The following TRAF3 variants were observed in gnomAD, a reference collection of about 807,000 sequenced individuals.
TRAF3 encodes the protein TNF receptor associated factor 3, also known as TNF receptor-associated factor 3.
A neutral mutation model predicts 62.3 loss-of-function variants in TRAF3; 13 were observed. The ratio of observed to expected loss-of-function variants is 0.21; its 90% CI spans 0.14 to 0.33. The LOEUF is 0.33. TRAF3 is among the 10% of genes least tolerant of loss of function. TRAF3 has a pLI of 1.00. For synonymous variants in TRAF3, 269 were observed against 283.4 expected, an observed-to-expected ratio of 0.95 and a Z score of 0.51; for missense variants, 440 against 741.8, an observed-to-expected ratio of 0.59 and a Z score of 4.73.
rs958366341 is a variant in TRAF3 at position 102,909,447 on chromosome 14, A to G, written c.*3663A>G. On this transcript the variant is annotated 3_prime_UTR_variant, in exon 12 of 12. Coordinates refer to ENST00000392745, the MANE Select transcript of TRAF3 (RefSeq NM_145725.3). ...GCACCTGTGTCCCTTCGATGCCACAACAGCCAGTTGAACAGGGGAGCCCTT... is the reference window on the plus strand; with the variant it reads ...GCACCTGTGTCCCTTCGATGCCACAGCAGCCAGTTGAACAGGGGAGCCCTT... The G allele has an allele frequency of 2.0e-5, 3 of 152,566 alleles. No homozygotes were observed. The highest frequency in any genetic ancestry group is 2.4e-5 in the African/African-American group (1 of 41,570). 9.5% of individuals were successfully genotyped at this position (152,566 alleles called of 1,614,324 possible). A position where few individuals can be genotyped will look rare whatever the true frequency, so the allele number is the denominator to read the frequency against.
At chr14:102,784,042 A>T (rs1310865857) in intron 1 of TRAF3, among the ~76,000 whole-genome samples, 1 of 152,044 alleles carries the variant, frequency 6.6e-6, no homozygotes, top group Admixed American at 6.6e-5. Context: ...GGGACCACAG[A>T]AGTTTTCTAG....
chr14:102,884,071 A>G (rs971227331), intron 6 of TRAF3, among the ~76,000 whole-genome samples: 1 of 152,220 alleles, frequency 6.6e-6, no homozygotes, highest in African/African-American at 2.4e-5. Context: ...CTTGCAAAAA[A>G]CAAATTTATC....
Position 102,903,057 on chromosome 14 carries a change from G to A in TRAF3, c.961-198G>A. 6 of 713,856 alleles carry A rather than the reference G, an allele frequency of 8.4e-6. No homozygotes were observed. The highest frequency in any genetic ancestry group is 1.5e-5 in the Non-Finnish European group (6 of 403,038). 44.2% of individuals were successfully genotyped at this position (713,856 alleles called of 1,614,324 possible). ...ATGTCACCTCGAGTGCTCCCTGCCGGCACAAGCACTTGATCCCAGGGAGCT... is the reference window on the plus strand; with the variant it reads ...ATGTCACCTCGAGTGCTCCCTGCCGACACAAGCACTTGATCCCAGGGAGCT... On this transcript the variant is annotated intron_variant, in intron 10 of 11. Transcript: ENST00000392745. The surrounding 1 kb of genome is among the most constrained non-coding windows in gnomAD (Gnocchi z 6.4).
In TRAF3 at chr14:102,903,004, C is replaced by T. The variant is rs1890379183; in HGVS notation, c.961-251C>T. 5.4e-6 allele frequency: 3 copies of T among 558,228 alleles called. No homozygotes were observed. Among genetic ancestry groups the T allele is most frequent in the Non-Finnish European group, 9.7e-6 (3 of 309,670 alleles). 34.6% of individuals were successfully genotyped at this position (558,228 alleles called of 1,614,324 possible). A position where few individuals can be genotyped will look rare whatever the true frequency, so the allele number is the denominator to read the frequency against. On this transcript the variant is annotated intron_variant, in intron 10 of 11. Transcript: ENST00000392745. This position sits in a 1 kb window ranked among gnomAD's most constrained non-coding sequence, Gnocchi z 6.4. ...ACAAAGCAAGCTGACTTAGTGGAGCCTCCTGTTGTTTTCTTCCATGTGGCT... is the reference window on the plus strand; with the variant it reads ...ACAAAGCAAGCTGACTTAGTGGAGCTTCCTGTTGTTTTCTTCCATGTGGCT...
rs538121314 is a variant in TRAF3 at position 102,866,850 on chromosome 14, AACACACACACAC to A, written c.-17-3303_-17-3292del. Among the ~76,000 whole-genome samples, 170 of 132,268 alleles carry A rather than the reference AACACACACACAC, an allele frequency of 1.3e-3. 1 individual carries two copies. The highest frequency in any genetic ancestry group is 7.1e-3 in the Middle Eastern group (2 of 280). 86.8% of individuals were successfully genotyped at this position (132,268 alleles called of 152,430 possible). A position where few individuals can be genotyped will look rare whatever the true frequency, so the allele number is the denominator to read the frequency against. On this transcript the variant is annotated intron_variant, in intron 2 of 11. Transcript: ENST00000392745. ...ACAGAACGAGACTCCATCTCTTGAA[AACACACACACAC>A]ACACACACACACACACACACACACA...
At chr14:102,782,772 T>C (rs1451924392) in intron 1 of TRAF3, among the ~76,000 whole-genome samples, 1 of 152,070 alleles carries the variant, frequency 6.6e-6, no homozygotes, top group Non-Finnish European at 1.5e-5. Flanking sequence ...CCAAGAAAGA[T>C]ATGGCGACCT....
chr14:102,830,657 A>G (rs565122421), intron 2 of TRAF3, among the ~76,000 whole-genome samples, 185 bp downstream of exon 2: 1 of 152,180 alleles, frequency 6.6e-6, no homozygotes, highest in Admixed American at 6.5e-5. Context: ...TAGGAGGGGC[A>G]AAGGGCATGA....
chr14:102,790,123 C>T (rs1300917150), intron 1 of TRAF3, among the ~76,000 whole-genome samples: 1 of 152,198 alleles, frequency 6.6e-6, no homozygotes, highest in Non-Finnish European at 1.5e-5. Context: ...CCACTGCACT[C>T]AGCCTCTTCT....
intron 1 of TRAF3, among the ~76,000 whole-genome samples, chr14:102,808,413 T>C (rs1315237229): frequency 1.3e-5 from 2 of 151,472 alleles, no homozygotes; most frequent in Non-Finnish European, 2.9e-5. Flanking sequence ...CTCAGGAGGC[T>C]GAGGCAGGAG....
rs865938287 is a variant in TRAF3 at position 102,874,316 on chromosome 14, G to A, written c.298-1308G>A. On this transcript the variant is annotated intron_variant, in intron 4 of 11. Coordinates refer to ENST00000392745, the MANE Select transcript of TRAF3 (RefSeq NM_145725.3). ...CTCTTGCCCAGGCTGGAGTACAATG[G>A]CGTGATCTCAGCTCACTGCAACCTC... 2.6e-5 allele frequency among the ~76,000 whole-genome samples: 4 copies of A among 152,286 alleles called. No individual in the cohort carries two copies. The Middle Eastern group carries it at 0.01, about 388-fold the overall frequency.
chr14:102,898,006 G>C (rs920510279), intron 10 of TRAF3, among the ~76,000 whole-genome samples: 16 of 152,246 alleles, frequency 1.1e-4, no homozygotes, highest in Admixed American at 7.2e-4. Flanking sequence ...CATTGTAGAT[G>C]CTCTCTGCAC....
At chr14:102,805,797 G>A (rs1053210081) in intron 1 of TRAF3, among the ~76,000 whole-genome samples, 1 of 152,196 alleles carries the variant, frequency 6.6e-6, no homozygotes, top group African/African-American at 2.4e-5. Flanking sequence ...GGAAATGTCA[G>A]CATGTTTTGA....
At chr14:102,814,209 A>T (rs149572109) in intron 1 of TRAF3, among the ~76,000 whole-genome samples, 36 of 152,316 alleles carry the variant, frequency 2.4e-4, no homozygotes, top group African/African-American at 8.4e-4. Flanking sequence ...CCTTTGTCAA[A>T]AATCAGTTGG....
At chr14:102,874,349 C>T (rs959415704) in intron 4 of TRAF3, among the ~76,000 whole-genome samples, 18 of 152,264 alleles carry the variant, frequency 1.2e-4, no homozygotes, top group Admixed American at 3.3e-4. Flanking sequence ...CTCCTCCTCC[C>T]GGGTTCAAGC....
At chr14:102,830,710 A>G (rs1225682499) in intron 2 of TRAF3, among the ~76,000 whole-genome samples, 1 of 152,206 alleles carries the variant, frequency 6.6e-6, no homozygotes, top group African/African-American at 2.4e-5. Flanking sequence ...AGATGGGTGC[A>G]TAGCCGAGCC....
At chr14:102,805,154 C>G (rs74086120) in intron 1 of TRAF3, among the ~76,000 whole-genome samples, 4,325 of 152,264 alleles carry the variant, frequency 0.028, 178 homozygotes, top group African/African-American at 0.096. Context: ...TAATTAGCAA[C>G]TAGTTTTGGT....
chr14:102,785,645 GC>G (rs926088747), intron 1 of TRAF3, among the ~76,000 whole-genome samples: 3 of 152,194 alleles, frequency 2.0e-5, no homozygotes. Flanking sequence ...AGGCATGGAA[GC>G]CCTTACCACT....
chr14:102,827,782 A>G (rs953353218), intron 1 of TRAF3, among the ~76,000 whole-genome samples: 1 of 152,240 alleles, frequency 6.6e-6, no homozygotes, highest in African/African-American at 2.4e-5. Flanking sequence ...ATTTGGTTCT[A>G]TGGTCAGTGG....
intron 8 of TRAF3, among the ~76,000 whole-genome samples, chr14:102,890,851 T>G (rs1044472862): frequency 6.6e-6 from 1 of 152,230 alleles, no homozygotes; most frequent in African/African-American, 2.4e-5. Context: ...ATTAATACTT[T>G]AGTAAATTCT....
Sources: gnomAD v4.1 joint callset for allele counts (sites outside exome capture counted in the v4.1 genomes callset) on GRCh38, gnomAD v4.1.1 for gene constraint, Gnocchi (gnomAD v3.1) non-coding constraint, MANE v1.5 for transcripts, NCBI Gene and HGNC (gene_info 2026-07-23, HGNC 2026-07-21) for gene names.